Variants in SPIDR observed in about 807,000 individuals in gnomAD.
The protein encoded by SPIDR is DNA repair-scaffolding protein.
Under a neutral mutation model 104.6 loss-of-function variants are expected in SPIDR, and 93 were observed. The ratio of observed to expected loss-of-function variants is 0.89; its 90% CI spans 0.75 to 1.06. The LOEUF (loss-of-function observed/expected upper bound fraction) is 1.06. Ranked by LOEUF, SPIDR falls within the 50% of genes least tolerant of loss-of-function variation. SPIDR has a pLI of 0.00. For synonymous variants in SPIDR, 431 were observed against 416.9 expected, an observed-to-expected ratio of 1.03 and a Z score of -0.41; for missense variants, 1,154 against 1,111.2, an observed-to-expected ratio of 1.04 and a Z score of -0.55.
intron 8 of SPIDR, among the ~76,000 whole-genome samples, chr8:47,542,322 T>A (rs1224018161): frequency 2.0e-5 from 3 of 152,120 alleles, no homozygotes; most frequent in Non-Finnish European, 4.4e-5. Context: ...GGATGAGGGT[T>A]GTGGTGAATG....
intron 1 of SPIDR, among the ~76,000 whole-genome samples, chr8:47,275,184 G>A (rs923676806): frequency 3.0e-4 from 46 of 151,786 alleles, no homozygotes; most frequent in African/African-American, 1.1e-3. Context: ...GTGTGAACCC[G>A]GGAGGTGGAG....
chr8:47,463,807 C>T (rs1301248386), intron 8 of SPIDR, among the ~76,000 whole-genome samples: 1 of 152,142 alleles, frequency 6.6e-6, no homozygotes, highest in Non-Finnish European at 1.5e-5. Flanking sequence ...TTGACAGAAT[C>T]CAGCACTTTG....
At chr8:47,546,840 C>T (rs567320903) in intron 8 of SPIDR, 5 of 277,476 alleles carry the variant, frequency 1.8e-5, no homozygotes, top group Middle Eastern at 5.5e-4. Context: ...CTCTTGTCTC[C>T]GTCTTCAGCA....
chr8:47,464,868 A>G (rs1230480696), intron 8 of SPIDR, among the ~76,000 whole-genome samples: 1 of 152,114 alleles, frequency 6.6e-6, no homozygotes, highest in Admixed American at 6.5e-5. Flanking sequence ...TCCCGGGTTC[A>G]AGTGATTCTC....
intron 5 of SPIDR, among the ~76,000 whole-genome samples, chr8:47,393,817 CTTTG>C (rs2060919614): frequency 6.9e-6 from 1 of 144,926 alleles, no homozygotes; most frequent in Admixed American, 7.0e-5. Context: ...TCCATCCTTT[CTTTG>C]TTTCTCTCTC....
intron 9 of SPIDR, 144 bp downstream of exon 9, chr8:47,596,150 T>G: frequency 1.5e-6 from 1 of 657,582 alleles, no homozygotes; most frequent in East Asian, 2.7e-5. Flanking sequence ...ATGAACTTAC[T>G]GTTACGCCTG....
At chr8:47,328,744 A>G (rs756434375) in intron 5 of SPIDR, among the ~76,000 whole-genome samples, 2 of 152,070 alleles carry the variant, frequency 1.3e-5, no homozygotes, top group Non-Finnish European at 2.9e-5. Context: ...TAATTTATGT[A>G]CATTTAATGT....
At chr8:47,554,100 C>A (rs768412562) in intron 8 of SPIDR, among the ~76,000 whole-genome samples, 1 of 152,090 alleles carries the variant, frequency 6.6e-6, no homozygotes, top group Non-Finnish European at 1.5e-5. Context: ...CTGCCTGATC[C>A]TTCCTCTCAG....
At chr8:47,499,764 A>G (rs2080069290) in intron 8 of SPIDR, among the ~76,000 whole-genome samples, 1 of 152,112 alleles carries the variant, frequency 6.6e-6, no homozygotes, top group South Asian at 2.1e-4. Flanking sequence ...CATTAGGTAT[A>G]TCTCCTAATG....
intron 8 of SPIDR, among the ~76,000 whole-genome samples, chr8:47,476,094 G>A (rs559202104): frequency 7.9e-5 from 12 of 152,294 alleles, no homozygotes; most frequent in Non-Finnish European, 1.2e-4. Flanking sequence ...TAACACAAAA[G>A]TTAAAGCTTT....
intron 8 of SPIDR, among the ~76,000 whole-genome samples, chr8:47,584,172 A>G (rs1401234700): frequency 1.3e-5 from 2 of 152,194 alleles, no homozygotes; most frequent in African/African-American, 4.8e-5. Context: ...CTAAAATTTC[A>G]GGCTTTTCAC....
chr8:47,543,723 C>A (rs191381876), intron 8 of SPIDR, among the ~76,000 whole-genome samples: 1 of 152,252 alleles, frequency 6.6e-6, no homozygotes. Context: ...GGCCCTCTGG[C>A]ATCAAAAGGT....
intron 8 of SPIDR, among the ~76,000 whole-genome samples, chr8:47,564,036 G>C (rs553002436): frequency 3.3e-5 from 5 of 149,504 alleles, no homozygotes; most frequent in African/African-American, 9.8e-5. Flanking sequence ...GTCCCTTTGG[G>C]AAATCATATT....
chr8:47,536,889 A>G (rs1009571561), intron 8 of SPIDR, among the ~76,000 whole-genome samples: 4 of 152,232 alleles, frequency 2.6e-5, no homozygotes, highest in African/African-American at 9.6e-5. Flanking sequence ...AGACAACCCA[A>G]TTAAAAAATT....
intron 10 of SPIDR, among the ~76,000 whole-genome samples, chr8:47,646,624 C>T (rs1190844874): frequency 6.6e-6 from 1 of 152,112 alleles, no homozygotes; most frequent in Non-Finnish European, 1.5e-5. Flanking sequence ...ACAGAAAAAT[C>T]TATGACATTG....
At chr8:47,724,388 C>T (rs2083890880) in intron 16 of SPIDR, among the ~76,000 whole-genome samples, 1 of 152,256 alleles carries the variant, frequency 6.6e-6, no homozygotes, top group African/African-American at 2.4e-5. Context: ...TCAGCCTGCA[C>T]ACCCACCAGC....
intron 8 of SPIDR, among the ~76,000 whole-genome samples, chr8:47,557,152 T>C (rs1184429414): frequency 6.6e-6 from 1 of 152,180 alleles, no homozygotes. Flanking sequence ...CGGCTCCTCA[T>C]AGCCACATTT....
intron 11 of SPIDR, among the ~76,000 whole-genome samples, chr8:47,682,342 A>G (rs897523290): frequency 2.0e-5 from 3 of 151,434 alleles, no homozygotes; most frequent in Admixed American, 2.0e-4. Context: ...AGGCAAATCT[A>G]TGGAGACAGC....
At chr8:47,657,961 T>C (rs986878993) in intron 10 of SPIDR, among the ~76,000 whole-genome samples, 11 of 143,296 alleles carry the variant, frequency 7.7e-5, no homozygotes, top group South Asian at 2.2e-4. Context: ...GCCCAGGAGG[T>C]TGAGGCTGCA....
Sources: allele counts gnomAD v4.1 joint callset (sites outside exome capture counted in the v4.1 genomes callset), GRCh38; gene constraint gnomAD v4.1.1; transcripts MANE v1.5; gene names NCBI Gene and HGNC (gene_info 2026-07-23, HGNC 2026-07-21).